KAZN: variants seen among roughly 807,000 people sequenced by gnomAD.
The protein encoded by KAZN is kazrin, periplakin interacting protein.
In KAZN, 40 loss-of-function variants were observed where a neutral mutation model predicts 87.4. That is an observed-to-expected ratio of 0.46 (90% CI 0.36 to 0.60). The LOEUF is 0.60. Ranked by LOEUF, KAZN falls within the 20% of genes least tolerant of loss-of-function variation. The pLI is 0.00. For missense variants in KAZN, 898 were observed against 1,073.9 expected (o/e 0.84, Z 2.29); for synonymous variants, 466 against 458.3 (o/e 1.02, Z -0.22).
intron 2 of KAZN, among the ~76,000 whole-genome samples, chr1:14,279,676 G>A (rs1652688573): frequency 6.6e-6 from 1 of 152,164 alleles, no homozygotes; most frequent in Non-Finnish European, 1.5e-5. Context: ...TGTTTGAGGA[G>A]TAAATGAGAT....
chr1:15,024,257 C>T (rs904492186), intron 2 of KAZN, among the ~76,000 whole-genome samples: 1 of 152,152 alleles, frequency 6.6e-6, no homozygotes, highest in Non-Finnish European at 1.5e-5. Context: ...TTGTCATCAC[C>T]TGCATCGCCT....
intron 2 of KAZN, among the ~76,000 whole-genome samples, chr1:14,967,748 G>A (rs1391135314): frequency 2.0e-5 from 3 of 152,190 alleles, no homozygotes; most frequent in Admixed American, 6.5e-5. Flanking sequence ...GAGTGCAGGC[G>A]ACCTCTAGAA....
chr1:14,964,104 G>A (rs969523972), intron 2 of KAZN, among the ~76,000 whole-genome samples: 4 of 152,174 alleles, frequency 2.6e-5, no homozygotes, highest in Non-Finnish European at 5.9e-5. Context: ...GTGTACATGT[G>A]TCTCTATAGT....
chr1:14,170,367 C>T (rs546102356), intron 1 of KAZN, among the ~76,000 whole-genome samples: 1 of 149,816 alleles, frequency 6.7e-6, no homozygotes, highest in South Asian at 2.1e-4. Context: ...TTCACTGGGT[C>T]AAGGTAAAAA....
At chr1:15,028,401 GC>G (rs1181271518) in intron 2 of KAZN, among the ~76,000 whole-genome samples, 1 of 152,216 alleles carries the variant, frequency 6.6e-6, no homozygotes, top group Non-Finnish European at 1.5e-5. Context: ...GAGTCAGGAG[GC>G]CAGTCCCAGA....
intron 4 of KAZN, among the ~76,000 whole-genome samples, chr1:15,055,189 T>C (rs1265126895): frequency 6.6e-6 from 1 of 152,122 alleles, no homozygotes; most frequent in Non-Finnish European, 1.5e-5. Context: ...GTAAGAGTGT[T>C]CCTGGGGCCG....
chr1:14,502,180 C>A (rs1012478742), intron 2 of KAZN, among the ~76,000 whole-genome samples: 1 of 152,062 alleles, frequency 6.6e-6, no homozygotes, highest in Non-Finnish European at 1.5e-5. Context: ...GCCAGGAATG[C>A]CCCTCGTGGG....
rs1016253751 is a variant in KAZN at position 14,744,112 on chromosome 1, G to A, written c.226+144889G>A. ...GACGGTCAAGGCTGGCTTTATCATG[G>A]CCATCACCAGTGCCCTGAATGGTTC... On this transcript the variant is annotated intron_variant, in intron 1 of 14. Transcript: ENST00000376030. 2.6e-5 allele frequency among the ~76,000 whole-genome samples: 4 copies of A among 152,174 alleles called. No homozygotes were observed. The East Asian group carries it at 7.7e-4, about 29-fold the overall frequency.
chr1:14,762,605 G>A (rs148285755), intron 1 of KAZN, among the ~76,000 whole-genome samples: 2,292 of 152,142 alleles, frequency 0.015, 24 homozygotes, highest in Non-Finnish European at 0.024. Flanking sequence ...GGCGCCTGTA[G>A]TCCCAGCTAC....
At chr1:14,125,760 G>A (rs902877426) in intron 1 of KAZN, among the ~76,000 whole-genome samples, 9 of 152,098 alleles carry the variant, frequency 5.9e-5, no homozygotes, top group Admixed American at 5.9e-4. Flanking sequence ...GTGGAAAAAA[G>A]CATCCATGGA....
At chr1:14,101,062 C>T (rs1057092176) in intron 1 of KAZN, among the ~76,000 whole-genome samples, 3 of 152,204 alleles carry the variant, frequency 2.0e-5, no homozygotes, top group African/African-American at 7.2e-5. Flanking sequence ...CATTAAACCT[C>T]TTTCATTCGT....
chr1:14,892,837 C>T (rs1320353284), intron 1 of KAZN, among the ~76,000 whole-genome samples: 1 of 151,772 alleles, frequency 6.6e-6, no homozygotes, highest in Non-Finnish European at 1.5e-5. Flanking sequence ...CCAATACCTA[C>T]ACACACACAC....
chr1:14,718,140 G>A (rs80003151), intron 1 of KAZN, among the ~76,000 whole-genome samples: 3,038 of 152,302 alleles, frequency 0.02, 105 homozygotes, highest in African/African-American at 0.067. Context: ...CTGTCCAGTC[G>A]CATTTTCGAT....
At chr1:15,055,877 C>T (rs1055203193) in intron 4 of KAZN, among the ~76,000 whole-genome samples, 1 of 152,222 alleles carries the variant, frequency 6.6e-6, no homozygotes, top group Non-Finnish European at 1.5e-5. Flanking sequence ...CGTGCCTTCG[C>T]GCCTCCAGCT....
chr1:14,067,588 T>G (rs547798043), intron 1 of KAZN, among the ~76,000 whole-genome samples: 46 of 152,304 alleles, frequency 3.0e-4, no homozygotes, highest in African/African-American at 1.1e-3. Context: ...TGCTGCTCTG[T>G]AAACGCTTGT....
chr1:14,445,574 ACTT>A (rs1666940125), intron 2 of KAZN, among the ~76,000 whole-genome samples: 1 of 151,928 alleles, frequency 6.6e-6, no homozygotes, highest in Non-Finnish European at 1.5e-5. Context: ...GAGACAATAA[ACTT>A]CTGTTGTTGA....
intron 2 of KAZN, among the ~76,000 whole-genome samples, chr1:14,560,514 G>T (rs954266174): frequency 3.9e-5 from 6 of 152,116 alleles, no homozygotes; most frequent in African/African-American, 1.4e-4. Context: ...GGAAGCAGAG[G>T]TTGCAGTGAG....
intron 1 of KAZN, among the ~76,000 whole-genome samples, chr1:13,944,796 C>A (rs1553176981): frequency 6.6e-6 from 1 of 151,608 alleles, no homozygotes; most frequent in African/African-American, 2.4e-5. Context: ...AAAAATAAGA[C>A]AAGAAAAGAT....
At chr1:14,225,736 C>G (rs1647248707) in intron 2 of KAZN, among the ~76,000 whole-genome samples, 1 of 152,016 alleles carries the variant, frequency 6.6e-6, no homozygotes, top group Non-Finnish European at 1.5e-5. Context: ...CTTGATAAAG[C>G]CAATAATAAC....
Sources: gnomAD v4.1 joint callset for allele counts (sites outside exome capture counted in the v4.1 genomes callset) on GRCh38, gnomAD v4.1.1 for gene constraint, MANE v1.5 for transcripts, NCBI Gene and HGNC (gene_info 2026-07-23, HGNC 2026-07-21) for gene names.